DCAF6: variants seen among roughly 807,000 people sequenced by gnomAD.
DCAF6 encodes DDB1- and CUL4-associated factor 6.
In DCAF6, 54 loss-of-function variants were observed where a neutral mutation model predicts 125.1. The observed-to-expected ratio is 0.43, with a 90% CI of 0.35 to 0.54. The LOEUF (loss-of-function observed/expected upper bound fraction) is 0.54. Among genes scored for constraint, DCAF6 ranks in the 20% least tolerant of loss-of-function variants. The pLI is 0.01. For missense variants in DCAF6, 934 were observed against 1,161.7 expected, an observed-to-expected ratio of 0.80 and a Z score of 2.85; for synonymous variants, 371 against 390.4, an observed-to-expected ratio of 0.95 and a Z score of 0.58.
intron 2 of DCAF6, among the ~76,000 whole-genome samples, chr1:167,953,758 C>G (rs1159213234): frequency 1.3e-5 from 2 of 152,084 alleles, no homozygotes; most frequent in African/African-American, 2.4e-5. Flanking sequence ...ACCACCACAC[C>G]TGGCTAATTT....
At chr1:167,999,389 A>G (rs80303561) in intron 7 of DCAF6, among the ~76,000 whole-genome samples, 4,570 of 152,254 alleles carry the variant, frequency 0.03, 237 homozygotes, top group African/African-American at 0.1. Flanking sequence ...CCACTGCATA[A>G]GCCCCTAACA....
At chr1:167,895,872 T>C in the DCAF6 span, among the ~76,000 whole-genome samples, 4 of 152,146 alleles carry the variant, frequency 2.6e-5, no homozygotes, top group African/African-American at 7.2e-5. Flanking sequence ...GACAGATACC[T>C]GAAGTCACCA....
Position 168,065,600 on chromosome 1 carries a change from C to T in DCAF6, c.2450C>T (p.Ala817Val), listed in dbSNP as rs1692225705. ...TTTTTTAACCCTTAGATAAAAGAAG[C>T]CAATTTCTGGGGTGCTAACTTTGTA... ...HRNSRTMIKE[A>V]NFWGANFVMS... Residue 817 changes from alanine to valine, a missense_variant, in exon 19 of 22, where the codon GCC becomes GTC. Coordinates refer to ENST00000367840, the MANE Select transcript of DCAF6 (RefSeq NM_001198956.2). 1.3e-6 allele frequency: 2 copies of T among 1,593,192 alleles called. No homozygotes were observed. The highest frequency in any genetic ancestry group is 2.3e-5 in the East Asian group (1 of 44,106).
intron 2 of DCAF6, among the ~76,000 whole-genome samples, chr1:167,954,307 C>A (rs1674424739): frequency 6.6e-6 from 1 of 151,084 alleles, no homozygotes; most frequent in Admixed American, 6.6e-5. Flanking sequence ...CTGTAGTTTT[C>A]AAGGTCTTAC....
rs1162178181 is a variant in DCAF6 at position 168,065,638 on chromosome 1, G to A, written c.2488G>A (p.Asp830Asn). 1 of 1,612,798 alleles carries A rather than the reference G, an allele frequency of 6.2e-7. No individual in the cohort carries two copies. The highest frequency in any genetic ancestry group is 1.3e-5 in the African/African-American group (1 of 74,852). The change falls in exon 19 of 22, where the codon GAC (aspartate) becomes AAC (asparagine). Residue 830 changes from aspartate (D) to asparagine (N), a missense_variant. Around this residue, in one of 5 missense-constraint regions of DCAF6, gnomAD observed 559 missense variants for 635.5 expected, o/e 0.88. Coordinates refer to ENST00000367840, the MANE Select transcript of DCAF6 (RefSeq NM_001198956.2). ...TGCTAACTTTGTAATGAGTGGTTCTGACTGTGGCCACATTTTCATCTGGGA... is the reference window on the plus strand; with the variant it reads ...TGCTAACTTTGTAATGAGTGGTTCTAACTGTGGCCACATTTTCATCTGGGA... ...WGANFVMSGS[D>N]CGHIFIWDRH...
the DCAF6 span, chr1:167,904,968 A>ATAAT: frequency 6.2e-7 from 1 of 1,614,192 alleles, no homozygotes. Flanking sequence ...CATCCACATT[A>ATAAT]AACAAACATC....
upstream of DCAF6, among the ~76,000 whole-genome samples, chr1:167,933,213 G>A (rs375926857): frequency 2.0e-5 from 3 of 150,746 alleles, no homozygotes; most frequent in African/African-American, 7.3e-5. Flanking sequence ...CTGTTGCCAG[G>A]CTGGAGTGCA....
At chr1:167,898,844 T>C in the DCAF6 span, among the ~76,000 whole-genome samples, 1 of 152,124 alleles carries the variant, frequency 6.6e-6, no homozygotes, top group Non-Finnish European at 1.5e-5. Flanking sequence ...CAGCACACCT[T>C]TCTTCCACTT....
chr1:167,878,365 T>A, the DCAF6 span: 1 of 1,511,906 alleles, frequency 6.6e-7, no homozygotes, highest in Non-Finnish European at 9.2e-7. Flanking sequence ...GCTCCAAATC[T>A]TAAATGGGTG....
intron 21 of DCAF6, among the ~76,000 whole-genome samples, chr1:168,075,070 A>G (rs572240367): frequency 1.3e-5 from 2 of 152,320 alleles, no homozygotes; most frequent in South Asian, 2.1e-4. Context: ...GCAGCACCTG[A>G]TGTACCTCCT....
the DCAF6 span, among the ~76,000 whole-genome samples, chr1:167,907,136 C>G: frequency 1.1e-4 from 17 of 152,256 alleles, no homozygotes; most frequent in African/African-American, 4.1e-4. Context: ...AAAGAACTGA[C>G]AGGTGTAATG....
At chr1:167,872,027 A>T in the DCAF6 span, among the ~76,000 whole-genome samples, 1 of 152,022 alleles carries the variant, frequency 6.6e-6, no homozygotes. Context: ...ATAATAATAA[A>T]AAATAAATAA....
At chr1:167,883,440 G>A in the DCAF6 span, 1 of 1,614,110 alleles carries the variant, frequency 6.2e-7, no homozygotes, top group Non-Finnish European at 8.5e-7. Context: ...CACTTACCTT[G>A]TCAAACATGA....
chr1:167,994,412 G>A (rs750060435), intron 7 of DCAF6, among the ~76,000 whole-genome samples: 21 of 152,004 alleles, frequency 1.4e-4, no homozygotes, highest in African/African-American at 4.6e-4. Flanking sequence ...GAAGTTTTAC[G>A]TATTACCATT....
the DCAF6 span, among the ~76,000 whole-genome samples, chr1:167,923,440 A>G: frequency 1.2e-4 from 19 of 152,314 alleles, no homozygotes; most frequent in African/African-American, 4.1e-4. Context: ...AAATAAGCCA[A>G]CTACAAAAAG....
At chr1:168,043,629 G>A (rs926716281) in intron 14 of DCAF6, among the ~76,000 whole-genome samples, 5 of 152,034 alleles carry the variant, frequency 3.3e-5, no homozygotes, top group Non-Finnish European at 7.4e-5. Context: ...TTAATGTCTA[G>A]CACAGAGACT....
chr1:168,051,587 T>A (rs75889027), intron 17 of DCAF6, among the ~76,000 whole-genome samples: 2 of 152,216 alleles, frequency 1.3e-5, no homozygotes, highest in Non-Finnish European at 2.9e-5. Flanking sequence ...ATATCTGTTA[T>A]TTACCATCAG....
intron 14 of DCAF6, 105 bp from the exon 15 acceptor site, chr1:168,044,480 T>TA (rs1485823930): frequency 1.4e-6 from 1 of 739,934 alleles, no homozygotes; most frequent in East Asian, 2.4e-5. Flanking sequence ...ATTATGCCAT[T>TA]ATATATGAGG....
At chr1:168,049,111 C>G (rs1437200516) in intron 16 of DCAF6, among the ~76,000 whole-genome samples, 1 of 152,110 alleles carries the variant, frequency 6.6e-6, no homozygotes, top group African/African-American at 2.4e-5. Flanking sequence ...AATGTTTGTT[C>G]TCTAATCATG....
Sources: allele counts gnomAD v4.1 joint callset (sites outside exome capture counted in the v4.1 genomes callset), GRCh38; gene constraint gnomAD v4.1.1; regional missense constraint gnomAD v4.1.1; transcripts MANE v1.5; gene names NCBI Gene and HGNC (gene_info 2026-07-23, HGNC 2026-07-21).